Variants in GPC5 observed in about 807,000 individuals in gnomAD.
The protein encoded by GPC5 is glypican-5.
GPC5 carries 47 observed loss-of-function variants against 53.9 expected under a neutral mutation model. The observed-to-expected ratio is 0.87, with a 90% CI of 0.69 to 1.11. The LOEUF is 1.11. Among genes scored for constraint, GPC5 ranks in the 50% most tolerant of loss-of-function variants. The pLI, the probability that GPC5 is intolerant of heterozygous loss-of-function variation, is 0.00. For missense variants in GPC5, 748 were observed against 713.1 expected, an observed-to-expected ratio of 1.05 and a Z score of -0.56; for synonymous variants, 286 against 263.3, an observed-to-expected ratio of 1.09 and a Z score of -0.84.
At position 92,249,373 on chromosome 13, in the gene GPC5, C is replaced by T. The variant is rs192527693; in HGVS notation, c.1561+104384C>T. 3.3e-5 allele frequency among the ~76,000 whole-genome samples: 5 copies of T among 152,068 alleles called. No homozygotes were observed. In the East Asian group the frequency reaches 9.7e-4, roughly 29 times the overall value. On this transcript the variant is annotated intron_variant, in intron 7 of 7. Coordinates refer to ENST00000377067, the MANE Select transcript of GPC5 (RefSeq NM_004466.6). ...TTCTTTGAACAGATGCTACGGAGGCCAATAAAAGGAGTGTGAGTAACAGAG... is the reference window on the plus strand; with the variant it reads ...TTCTTTGAACAGATGCTACGGAGGCTAATAAAAGGAGTGTGAGTAACAGAG...
intron 7 of GPC5, among the ~76,000 whole-genome samples, chr13:92,442,973 C>T (rs1877637404): frequency 6.6e-6 from 1 of 152,090 alleles, no homozygotes; most frequent in African/African-American, 2.4e-5. Flanking sequence ...GACTGTTTTG[C>T]ATTGCAATAA....
chr13:91,477,594 A>G (rs1250429462), intron 2 of GPC5, among the ~76,000 whole-genome samples: 1 of 152,172 alleles, frequency 6.6e-6, no homozygotes, highest in East Asian at 1.9e-4. Flanking sequence ...CCCATAAAAG[A>G]GAGTGACCTT....
chr13:91,575,393 T>G (rs1166046790), intron 2 of GPC5, among the ~76,000 whole-genome samples: 1 of 152,146 alleles, frequency 6.6e-6, no homozygotes, highest in Non-Finnish European at 1.5e-5. Context: ...TAATTGATAC[T>G]TTGAAAAGTC....
intron 7 of GPC5, among the ~76,000 whole-genome samples, chr13:92,814,721 T>C (rs1199631761): frequency 1.3e-5 from 2 of 151,744 alleles, no homozygotes; most frequent in African/African-American, 4.8e-5. Context: ...TTAAGAAATT[T>C]TGTCTTTGAA....
At chr13:91,826,605 A>G (rs1189742286) in intron 5 of GPC5, among the ~76,000 whole-genome samples, 1 of 152,110 alleles carries the variant, frequency 6.6e-6, no homozygotes. Flanking sequence ...AATGATGTCT[A>G]TAATTGAAGT....
chr13:92,648,695 AAACTC>A (rs1594381014), intron 7 of GPC5, among the ~76,000 whole-genome samples: 1 of 152,150 alleles, frequency 6.6e-6, no homozygotes, highest in Non-Finnish European at 1.5e-5. Context: ...TAATAGAACA[AAACTC>A]AAGTTGTTGT....
At chr13:91,509,163 A>G (rs1019122867) in intron 2 of GPC5, among the ~76,000 whole-genome samples, 1 of 152,126 alleles carries the variant, frequency 6.6e-6, no homozygotes, top group African/African-American at 2.4e-5. Context: ...TAAGTCTTAA[A>G]TTTATTATTC....
chr13:91,935,874 T>C (rs767320221), intron 6 of GPC5, among the ~76,000 whole-genome samples: 2 of 151,924 alleles, frequency 1.3e-5, no homozygotes, highest in Non-Finnish European at 2.9e-5. Context: ...CTCATAGATA[T>C]AGATGAAATT....
intron 7 of GPC5, among the ~76,000 whole-genome samples, chr13:92,761,384 T>C (rs1416525707): frequency 1.3e-5 from 2 of 152,230 alleles, no homozygotes; most frequent in Non-Finnish European, 2.9e-5. Flanking sequence ...GATGTATATA[T>C]ATTTATAATT....
chr13:91,717,575 A>T (rs2036366480), intron 3 of GPC5, among the ~76,000 whole-genome samples: 1 of 150,186 alleles, frequency 6.7e-6, no homozygotes, highest in Non-Finnish European at 1.5e-5. Context: ...TTTTTTTTTT[A>T]GACGGAGTTT....
chr13:92,196,679 T>C (rs1048290277), intron 7 of GPC5, among the ~76,000 whole-genome samples: 1 of 152,192 alleles, frequency 6.6e-6, no homozygotes, highest in Non-Finnish European at 1.5e-5. Context: ...AGCTATTCTG[T>C]TTTCTGCTTT....
At chr13:91,832,682 C>A (rs2038675921) in intron 5 of GPC5, among the ~76,000 whole-genome samples, 1 of 152,032 alleles carries the variant, frequency 6.6e-6, no homozygotes, top group African/African-American at 2.4e-5. Context: ...TAAAGATGTT[C>A]TTTGAAACCA....
chr13:92,002,423 A>T (rs1185048345), intron 6 of GPC5, among the ~76,000 whole-genome samples: 2 of 152,208 alleles, frequency 1.3e-5, no homozygotes, highest in African/African-American at 4.8e-5. Context: ...AAGAACACAA[A>T]ATTCCAAGAA....
At chr13:92,089,577 A>G (rs1161546705) in intron 6 of GPC5, among the ~76,000 whole-genome samples, 1 of 152,252 alleles carries the variant, frequency 6.6e-6, no homozygotes, top group Admixed American at 6.5e-5. Flanking sequence ...TCTTATCTTG[A>G]AATCATAAGA....
intron 5 of GPC5, among the ~76,000 whole-genome samples, chr13:91,802,106 T>C (rs770754394): frequency 1.2e-4 from 18 of 152,220 alleles, no homozygotes; most frequent in Non-Finnish European, 1.8e-4. Context: ...TGTCTGGAAT[T>C]GGTTCCTTCT....
intron 7 of GPC5, among the ~76,000 whole-genome samples, chr13:92,148,112 T>C (rs1004955269): frequency 4.6e-5 from 7 of 152,124 alleles, no homozygotes; most frequent in African/African-American, 1.7e-4. Context: ...TTTGTTACCA[T>C]AAAAAGTCTG....
At chr13:91,406,117 G>GGTCTCT (rs1877307109) in intron 1 of GPC5, among the ~76,000 whole-genome samples, 1 of 152,034 alleles carries the variant, frequency 6.6e-6, no homozygotes. Context: ...TTTTTGCATT[G>GGTCTCT]GTCTCTGCAA....
intron 5 of GPC5, among the ~76,000 whole-genome samples, chr13:91,820,410 T>C (rs923087367): frequency 1.3e-5 from 2 of 152,140 alleles, no homozygotes; most frequent in African/African-American, 4.8e-5. Context: ...GCCATGCAAG[T>C]CCCATTTAGT....
chr13:92,134,536 G>A (rs1407883549), intron 6 of GPC5, among the ~76,000 whole-genome samples: 1 of 152,104 alleles, frequency 6.6e-6, no homozygotes, highest in Non-Finnish European at 1.5e-5. Context: ...ACTCCTTGAT[G>A]AGAAACCACA....
Sources: allele counts gnomAD v4.1 joint callset (sites outside exome capture counted in the v4.1 genomes callset), GRCh38; gene constraint gnomAD v4.1.1; transcripts MANE v1.5; gene names NCBI Gene and HGNC (gene_info 2026-07-23, HGNC 2026-07-21).